COL15A1: variants seen among roughly 807,000 people sequenced by gnomAD.
COL15A1 encodes collagen type XV alpha 1 chain, also known as collagen alpha-1(XV) chain.
COL15A1 carries 111 observed loss-of-function variants against 165.9 expected under a neutral mutation model. The ratio of observed to expected loss-of-function variants is 0.67; its 90% CI spans 0.57 to 0.78. COL15A1 has a LOEUF of 0.78. COL15A1 is among the 30% of genes least tolerant of loss of function. The pLI, the probability that COL15A1 is intolerant of heterozygous loss-of-function variation, is 0.00. For synonymous variants in COL15A1, 659 were observed against 674.8 expected, an observed-to-expected ratio of 0.98 and a Z score of 0.36; for missense variants, 1,745 against 1,789.7, an observed-to-expected ratio of 0.98 and a Z score of 0.45.
chr9:98,987,612 C>T (rs1412614075), intron 4 of COL15A1, among the ~76,000 whole-genome samples: 12 of 152,196 alleles, frequency 7.9e-5, no homozygotes, highest in Non-Finnish European at 1.8e-4. Context: ...CCGTCAATGG[C>T]CTGCTTTCCC....
chr9:98,972,476 A>C (rs1838075977), intron 2 of COL15A1, among the ~76,000 whole-genome samples: 1 of 152,166 alleles, frequency 6.6e-6, no homozygotes. Flanking sequence ...AACCTCATGG[A>C]TTTGGAACAG....
intron 28 of COL15A1, among the ~76,000 whole-genome samples, chr9:99,048,825 A>G (rs1306242318): frequency 6.6e-6 from 1 of 151,512 alleles, no homozygotes. Context: ...TGTTTTACAT[A>G]AGAGGATACC....
At chr9:99,027,087 G>T (rs1280818963) in intron 16 of COL15A1, among the ~76,000 whole-genome samples, 5 of 152,216 alleles carry the variant, frequency 3.3e-5, no homozygotes, top group Admixed American at 6.5e-5. Flanking sequence ...CCTGGGGCGT[G>T]TATGTGTAGG....
intron 5 of COL15A1, among the ~76,000 whole-genome samples, chr9:98,994,553 C>T (rs1173709288): frequency 1.3e-5 from 2 of 152,134 alleles, no homozygotes; most frequent in Admixed American, 6.5e-5. Flanking sequence ...TGGTTTGTTG[C>T]GTCTGGTCTA....
chr9:99,004,990 G>T lies in COL15A1; in HGVS notation c.1293G>T (p.Val431=). 3 of 1,613,958 alleles carry T rather than the reference G, an allele frequency of 1.9e-6. No homozygotes were observed. In the South Asian group the frequency reaches 3.3e-5, roughly 18 times the overall value. ...CTGGGGAAGTGGAGGCCAGTGGTGT[G>T]GCCCCCGGGGAGCTGGACCTCTCCA... is the stretch of plus-strand genomic sequence containing the variant. The part of the protein sequence containing the change: ...SMPGEVEASG[V]APGELDLSMS... The change falls in exon 9 of 42, where the codon GTG becomes GTT. Residue 431 remains valine (V), a synonymous_variant. Coordinates refer to ENST00000375001, the MANE Select transcript of COL15A1 (RefSeq NM_001855.5).
rs1314663153 is a variant in COL15A1 at position 99,036,459 on chromosome 9, G to A, written c.2409+63G>A. 23 of 1,568,040 alleles carry A rather than the reference G, an allele frequency of 1.5e-5. 1 individual carries two copies. In the South Asian group the frequency reaches 2.6e-4, roughly 18 times the overall value. Reference sequence around the variant, plus strand: ...TCCACCTTTGCCAAAGGGAGGAGAAGGTTGTCCATGACTTCAAAGCTTCTG... The same window carrying A: ...TCCACCTTTGCCAAAGGGAGGAGAAAGTTGTCCATGACTTCAAAGCTTCTG... On this transcript the variant is annotated intron_variant, in intron 21 of 41. Coordinates refer to ENST00000375001, the MANE Select transcript of COL15A1 (RefSeq NM_001855.5).
chr9:99,049,829 C>T (rs772643297), intron 29 of COL15A1, 25 bp from the exon 30 acceptor site: 22 of 1,614,126 alleles, frequency 1.4e-5, no homozygotes, highest in Non-Finnish European at 1.9e-5. Context: ...GTTGACCTCA[C>T]CTCTCTTGTT....
chr9:99,027,023 T>A (rs1426477398), intron 16 of COL15A1, among the ~76,000 whole-genome samples: 1 of 152,218 alleles, frequency 6.6e-6, no homozygotes, highest in African/African-American at 2.4e-5. Flanking sequence ...ATCCTCTTCA[T>A]TCTCTGTCTG....
chr9:98,965,834 C>T (rs1220973295), intron 2 of COL15A1, among the ~76,000 whole-genome samples: 1 of 152,180 alleles, frequency 6.6e-6, no homozygotes, highest in Non-Finnish European at 1.5e-5. Flanking sequence ...GTATCTGGGC[C>T]CCGTGTTGGT....
At chr9:98,952,315 T>C (rs1207800633) in intron 2 of COL15A1, among the ~76,000 whole-genome samples, 1 of 152,180 alleles carries the variant, frequency 6.6e-6, no homozygotes, top group Non-Finnish European at 1.5e-5. Flanking sequence ...TTTTCTTCAA[T>C]AGTGTAATAA....
At chr9:98,990,316 T>A (rs1838396695) in intron 5 of COL15A1, among the ~76,000 whole-genome samples, 1 of 152,202 alleles carries the variant, frequency 6.6e-6, no homozygotes, top group Non-Finnish European at 1.5e-5. Context: ...CTGATGCCCA[T>A]CCATGGGGTC....
chr9:99,025,850 G>A (rs1193590151), intron 15 of COL15A1, 54 bp from the exon 16 acceptor site: 11 of 1,573,960 alleles, frequency 7.0e-6, no homozygotes, highest in Non-Finnish European at 9.5e-6. Flanking sequence ...GCAAGCGTGT[G>A]TATGTGATAT....
At chr9:98,962,308 A>G (rs1041292949) in intron 2 of COL15A1, among the ~76,000 whole-genome samples, 3 of 152,132 alleles carry the variant, frequency 2.0e-5, no homozygotes, top group Non-Finnish European at 4.4e-5. Context: ...TGTACCCGTG[A>G]GACGTGGGGG....
Position 99,042,123 on chromosome 9 carries a change from G to C in COL15A1, c.2574+16G>C. 6.3e-7 allele frequency: 1 copy of C among 1,591,290 alleles called. No homozygotes were observed. Among genetic ancestry groups the C allele is most frequent in the Non-Finnish European group, 8.6e-7 (1 of 1,164,912 alleles). ...AGGAGAACAGGTAAGAGGGGCCCAGGTATCTGAGTGAGATTGGGCGCTGGA... is the reference window on the plus strand; with the variant it reads ...AGGAGAACAGGTAAGAGGGGCCCAGCTATCTGAGTGAGATTGGGCGCTGGA... On this transcript the variant is annotated intron_variant, in intron 24 of 41. Transcript: ENST00000375001.
At chr9:98,972,608 C>CA (rs1267126344) in intron 2 of COL15A1, among the ~76,000 whole-genome samples, 5 of 152,226 alleles carry the variant, frequency 3.3e-5, no homozygotes, top group Non-Finnish European at 7.3e-5. Flanking sequence ...TGGCATGCAG[C>CA]AAGCCTGCAG....
intron 8 of COL15A1, 39 bp downstream of exon 8, chr9:99,003,626 C>T: frequency 6.9e-7 from 1 of 1,453,302 alleles, no homozygotes; most frequent in South Asian, 1.5e-5. Context: ...TCACCTGTGT[C>T]TGGGGTTGTG....
At chr9:98,945,293 G>A (rs1837561177) in intron 2 of COL15A1, among the ~76,000 whole-genome samples, 1 of 152,194 alleles carries the variant, frequency 6.6e-6, no homozygotes. Flanking sequence ...TCGCAATGCA[G>A]GTATTTTTAT....
intron 35 of COL15A1, among the ~76,000 whole-genome samples, chr9:99,059,170 G>A (rs1825772118): frequency 6.6e-6 from 1 of 152,162 alleles, no homozygotes; most frequent in Non-Finnish European, 1.5e-5. Context: ...ATTTCTCTGG[G>A]AAAGAGGGCA....
chr9:99,049,192 C>G (rs1052396156), intron 28 of COL15A1, among the ~76,000 whole-genome samples: 2 of 152,228 alleles, frequency 1.3e-5, no homozygotes, highest in African/African-American at 4.8e-5. Flanking sequence ...TAAGGCCAAG[C>G]TGGCTTCACT....
Sources: gnomAD v4.1 joint callset for allele counts (sites outside exome capture counted in the v4.1 genomes callset) on GRCh38, gnomAD v4.1.1 for gene constraint, MANE v1.5 for transcripts, NCBI Gene and HGNC (gene_info 2026-07-23, HGNC 2026-07-21) for gene names.